Variants in TRHDE observed in about 807,000 individuals in gnomAD.
TRHDE encodes thyrotropin-releasing hormone-degrading ectoenzyme.
A neutral mutation model predicts 125.7 loss-of-function variants in TRHDE; 72 were observed. That is an observed-to-expected ratio of 0.57 (90% CI 0.47 to 0.70). The LOEUF (loss-of-function observed/expected upper bound fraction) is 0.70. Ranked by LOEUF, TRHDE falls within the 30% of genes least tolerant of loss-of-function variation. The probability of loss-of-function intolerance (pLI) is 0.00; values close to 1 mark genes in which losing one functional copy is unlikely to be tolerated. For synonymous variants in TRHDE, 509 were observed against 509.1 expected (o/e 1.00, Z 0.00); for missense variants, 1,110 against 1,327.1 (o/e 0.84, Z 2.54).
At chr12:72,119,884 T>C (rs1875534682) in intron 2 of TRHDE, among the ~76,000 whole-genome samples, 1 of 152,210 alleles carries the variant, frequency 6.6e-6, no homozygotes, top group Non-Finnish European at 1.5e-5. Flanking sequence ...AATATGTTTT[T>C]CCATCCTTTT....
At chr12:72,210,821 A>G (rs1397687142) in intron 2 of TRHDE, among the ~76,000 whole-genome samples, 2 of 152,182 alleles carry the variant, frequency 1.3e-5, no homozygotes, top group Non-Finnish European at 2.9e-5. Context: ...AGTTGACACC[A>G]ACTTCTTTTC....
chr12:72,429,504 T>C (rs1874350218), intron 3 of TRHDE, among the ~76,000 whole-genome samples: 1 of 152,032 alleles, frequency 6.6e-6, no homozygotes, highest in Non-Finnish European at 1.5e-5. Flanking sequence ...GTACGTGTTA[T>C]TCTGTGGATA....
At chr12:72,296,652 T>C (rs1166708115) in intron 2 of TRHDE, among the ~76,000 whole-genome samples, 3 of 152,082 alleles carry the variant, frequency 2.0e-5, no homozygotes, top group Non-Finnish European at 4.4e-5. Flanking sequence ...GAGAAATGCC[T>C]GAGCCAGTCA....
At chr12:72,520,134 G>T (rs1009057550) in intron 6 of TRHDE, among the ~76,000 whole-genome samples, 1 of 152,208 alleles carries the variant, frequency 6.6e-6, no homozygotes, top group African/African-American at 2.4e-5. Context: ...GCCTACAGAG[G>T]CAGGCAGGCC....
intron 6 of TRHDE, among the ~76,000 whole-genome samples, chr12:72,521,671 A>G (rs1453625782): frequency 3.3e-5 from 5 of 152,328 alleles, no homozygotes; most frequent in Non-Finnish European, 5.9e-5. Flanking sequence ...AGCATGACCA[A>G]CCAGCTGAAT....
chr12:72,670,325 C>T lies in TRHDE; in HGVS notation c.*7130C>T, dbSNP rs987203767. 1.9e-4 allele frequency: 29 copies of T among 151,534 alleles called. No homozygotes were observed. The highest frequency in any genetic ancestry group is 5.3e-4 in the African/African-American group (22 of 41,336). The allele number at this position is 151,534 out of a possible 1,614,324, so 9.4% of individuals were successfully genotyped here. ...TTATTCAGTAAAAATTGAATTAGTA[C>T]GTATTCAACATGAAATTTTTAGTCT... On this transcript the variant is annotated 3_prime_UTR_variant, in exon 19 of 19. Transcript: ENST00000261180.
At chr12:72,630,204 G>A (rs1237244784) in intron 15 of TRHDE, among the ~76,000 whole-genome samples, 1 of 151,560 alleles carries the variant, frequency 6.6e-6, no homozygotes, top group Non-Finnish European at 1.5e-5. Context: ...ATGTAAATGT[G>A]ATTTTATTTA....
chr12:72,627,599 A>G (rs997105336), intron 15 of TRHDE, among the ~76,000 whole-genome samples: 1 of 151,876 alleles, frequency 6.6e-6, no homozygotes, highest in Non-Finnish European at 1.5e-5. Flanking sequence ...AATATGCTCC[A>G]TCCCTCATTG....
At chr12:72,328,441 A>C (rs1248670345) in intron 2 of TRHDE, among the ~76,000 whole-genome samples, 1 of 148,404 alleles carries the variant, frequency 6.7e-6, no homozygotes, top group Admixed American at 6.6e-5. Context: ...ATGCTTGTGC[A>C]TAAGCCTAAA....
At chr12:72,341,518 G>A (rs1045472732) in intron 2 of TRHDE, among the ~76,000 whole-genome samples, 4 of 152,056 alleles carry the variant, frequency 2.6e-5, no homozygotes, top group African/African-American at 9.7e-5. Flanking sequence ...CAAATTAAAG[G>A]ATTCATTGTT....
At chr12:72,265,919 C>T (rs1214287962) in intron 2 of TRHDE, among the ~76,000 whole-genome samples, 1 of 151,766 alleles carries the variant, frequency 6.6e-6, no homozygotes, top group African/African-American at 2.4e-5. Flanking sequence ...TCAATACTAG[C>T]GATATTTCAT....
At chr12:72,229,162 C>T (rs1385197276) in intron 2 of TRHDE, among the ~76,000 whole-genome samples, 1 of 152,138 alleles carries the variant, frequency 6.6e-6, no homozygotes, top group Non-Finnish European at 1.5e-5. Flanking sequence ...CATTCTCATG[C>T]TGCTAAAAAA....
At chr12:72,190,418 A>T (rs569708402) in intron 2 of TRHDE, among the ~76,000 whole-genome samples, 2 of 152,302 alleles carry the variant, frequency 1.3e-5, no homozygotes, top group South Asian at 4.1e-4. Flanking sequence ...GGGAAAGAAG[A>T]TTCTTTTAGC....
chr12:72,555,685 TA>T (rs1159247947), intron 7 of TRHDE, among the ~76,000 whole-genome samples: 1 of 152,198 alleles, frequency 6.6e-6, no homozygotes, highest in Non-Finnish European at 1.5e-5. Context: ...GTCACTGTTG[TA>T]GTCTCCTTGC....
At chr12:72,567,644 A>G (rs1402895660) in intron 9 of TRHDE, among the ~76,000 whole-genome samples, 1 of 152,016 alleles carries the variant, frequency 6.6e-6, no homozygotes, top group African/African-American at 2.4e-5. Flanking sequence ...GAGATCACGC[A>G]ATATCTTGTC....
At chr12:72,247,321 A>G (rs1878593477) in intron 2 of TRHDE, among the ~76,000 whole-genome samples, 2 of 152,212 alleles carry the variant, frequency 1.3e-5, no homozygotes, top group Admixed American at 1.3e-4. Context: ...TAATCCATGG[A>G]TGTGGAACTC....
chr12:72,475,027 A>G (rs1876826024), intron 5 of TRHDE, among the ~76,000 whole-genome samples: 1 of 152,158 alleles, frequency 6.6e-6, no homozygotes, highest in African/African-American at 2.4e-5. Flanking sequence ...AGGCATTTAT[A>G]TATGTATAAC....
intron 2 of TRHDE, among the ~76,000 whole-genome samples, chr12:72,136,237 G>A (rs1159947455): frequency 1.3e-5 from 2 of 152,108 alleles, no homozygotes; most frequent in Non-Finnish European, 2.9e-5. Flanking sequence ...GCACTGTAAT[G>A]GAACAGAAGC....
At chr12:72,185,135 C>A (rs944951199) in intron 2 of TRHDE, among the ~76,000 whole-genome samples, 2 of 152,174 alleles carry the variant, frequency 1.3e-5, no homozygotes, top group Non-Finnish European at 2.9e-5. Context: ...CACTCGCACT[C>A]GGAGCAGCCG....
Sources: allele counts gnomAD v4.1 joint callset (sites outside exome capture counted in the v4.1 genomes callset), GRCh38; gene constraint gnomAD v4.1.1; transcripts MANE v1.5; gene names NCBI Gene and HGNC (gene_info 2026-07-23, HGNC 2026-07-21).